The following PRKG1 variants were observed in gnomAD, a reference collection of about 807,000 sequenced individuals.
PRKG1 encodes cGMP-dependent protein kinase 1.
In PRKG1, 35 loss-of-function variants were observed where a neutral mutation model predicts 88.1. The observed-to-expected ratio is 0.40, with a 90% confidence interval of 0.30 to 0.53. PRKG1 has a LOEUF of 0.53. PRKG1 is among the 20% of genes least tolerant of loss of function. PRKG1 has a pLI of 0.59. For synonymous variants in PRKG1, 303 were observed against 292.5 expected, an observed-to-expected ratio of 1.04 and a Z score of -0.37; for missense variants, 540 against 839.8, an observed-to-expected ratio of 0.64 and a Z score of 4.41.
intron 3 of PRKG1, among the ~76,000 whole-genome samples, chr10:51,799,495 C>G (rs1839108984): frequency 6.6e-6 from 1 of 151,592 alleles, no homozygotes; most frequent in African/African-American, 2.4e-5. Context: ...GTAGGATAAC[C>G]TCAAAAATAT....
intron 2 of PRKG1, among the ~76,000 whole-genome samples, chr10:51,403,863 GAA>G (rs1379640170): frequency 6.6e-6 from 1 of 152,096 alleles, no homozygotes; most frequent in African/African-American, 2.4e-5. Flanking sequence ...AATTATAAAA[GAA>G]AAAATAAATC....
intron 2 of PRKG1, among the ~76,000 whole-genome samples, chr10:51,420,173 G>T (rs1029319879): frequency 1.3e-5 from 2 of 152,024 alleles, no homozygotes. Context: ...AAGTTGAAGC[G>T]GGAGCAGGCA....
intron 3 of PRKG1, among the ~76,000 whole-genome samples, chr10:51,618,503 C>G (rs960410251): frequency 2.6e-5 from 4 of 152,142 alleles, no homozygotes; most frequent in African/African-American, 9.7e-5. Flanking sequence ...AAATGTTTCA[C>G]TTAATATATA....
At chr10:51,425,307 T>C (rs1041689747) in intron 2 of PRKG1, among the ~76,000 whole-genome samples, 1 of 152,212 alleles carries the variant, frequency 6.6e-6, no homozygotes, top group African/African-American at 2.4e-5. Flanking sequence ...ATTGTTCCAG[T>C]TGTGAAGAAA....
chr10:51,711,549 G>C (rs1238441729), intron 3 of PRKG1, among the ~76,000 whole-genome samples: 2 of 152,198 alleles, frequency 1.3e-5, no homozygotes, highest in African/African-American at 4.8e-5. Context: ...AGGTAGAGGA[G>C]AGTTATATTC....
chr10:51,580,597 T>C (rs10998325), intron 3 of PRKG1, among the ~76,000 whole-genome samples: 11,229 of 152,230 alleles, frequency 0.074, 1,390 homozygotes, highest in African/African-American at 0.25. Flanking sequence ...TAAGCTCTTG[T>C]CCAACACTTA....
chr10:51,934,278 C>T (rs1056847517), intron 5 of PRKG1, among the ~76,000 whole-genome samples: 21 of 150,454 alleles, frequency 1.4e-4, no homozygotes, highest in African/African-American at 4.1e-4. Flanking sequence ...ACCGCCCACA[C>T]ACACGCACAG....
At chr10:51,128,046 A>G (rs936803254) in intron 1 of PRKG1, among the ~76,000 whole-genome samples, 2 of 152,196 alleles carry the variant, frequency 1.3e-5, no homozygotes, top group Non-Finnish European at 2.9e-5. Flanking sequence ...TGATAGGTGC[A>G]GCAAACCACC....
intron 2 of PRKG1, among the ~76,000 whole-genome samples, chr10:51,307,652 G>A (rs889291962): frequency 2.0e-5 from 3 of 152,104 alleles, no homozygotes; most frequent in Non-Finnish European, 4.4e-5. Flanking sequence ...GAGGCAATAA[G>A]CATTAGACCA....
chr10:51,276,051 G>T (rs539443426), intron 2 of PRKG1, among the ~76,000 whole-genome samples: 6 of 151,908 alleles, frequency 3.9e-5, no homozygotes, highest in African/African-American at 1.5e-4. Context: ...TGCCATGTTG[G>T]TGTGCTGCAC....
At chr10:52,275,809 G>A (rs1352710813) in intron 12 of PRKG1, among the ~76,000 whole-genome samples, 1 of 152,124 alleles carries the variant, frequency 6.6e-6, no homozygotes, top group Non-Finnish European at 1.5e-5. Flanking sequence ...CCACACATGA[G>A]CATGGGATGT....
At chr10:52,151,873 T>C (rs190331247) in intron 8 of PRKG1, among the ~76,000 whole-genome samples, 3 of 152,342 alleles carry the variant, frequency 2.0e-5, no homozygotes, top group Non-Finnish European at 4.4e-5. Flanking sequence ...TAAAATCCTT[T>C]CTTCCACTTT....
chr10:51,453,090 T>C (rs563070136), intron 2 of PRKG1, among the ~76,000 whole-genome samples: 21 of 152,100 alleles, frequency 1.4e-4, no homozygotes, highest in Non-Finnish European at 2.5e-4. Context: ...AAGGTGTTCA[T>C]GGTAGCCTTG....
rs79160147 is a variant in PRKG1, at chr10:51,989,286, G to T, written c.763-65198G>T. Reference sequence around the variant, plus strand: ...GTCTTAAATCCATTTTAAAGAGTTTGGTCTTTATATTGAGATTAGTAGGGA... The same window carrying T: ...GTCTTAAATCCATTTTAAAGAGTTTTGTCTTTATATTGAGATTAGTAGGGA... On this transcript the variant is annotated intron_variant, in intron 5 of 17. Coordinates refer to ENST00000373980, the MANE Select transcript of PRKG1 (RefSeq NM_006258.4). Among the ~76,000 whole-genome samples the T allele has an allele frequency of 1.4e-4, 22 of 152,164 alleles. No individual in the cohort carries two copies. The East Asian group carries it at 4.2e-3, about 29-fold the overall frequency.
chr10:52,024,699 T>G (rs1191908504), intron 5 of PRKG1, among the ~76,000 whole-genome samples: 1 of 152,216 alleles, frequency 6.6e-6, no homozygotes, highest in African/African-American at 2.4e-5. Flanking sequence ...ATGGTGTATA[T>G]GTACCACATT....
chr10:52,221,272 A>C (rs1353357108), intron 9 of PRKG1, among the ~76,000 whole-genome samples: 1 of 152,162 alleles, frequency 6.6e-6, no homozygotes, highest in African/African-American at 2.4e-5. Context: ...GCCATAACAT[A>C]ATAAATGTTT....
chr10:51,991,194 C>A (rs1485097806), intron 5 of PRKG1, among the ~76,000 whole-genome samples: 1 of 152,050 alleles, frequency 6.6e-6, no homozygotes, highest in Non-Finnish European at 1.5e-5. Context: ...TATCCTGCAA[C>A]TTTACTGAGT....
chr10:52,287,422 T>A (rs1360317972), intron 14 of PRKG1, among the ~76,000 whole-genome samples: 1 of 152,000 alleles, frequency 6.6e-6, no homozygotes, highest in Non-Finnish European at 1.5e-5. Context: ...TACTACTCCT[T>A]ACTTTAAATT....
chr10:52,209,591 A>T (rs1839908735), intron 9 of PRKG1, among the ~76,000 whole-genome samples: 1 of 152,210 alleles, frequency 6.6e-6, no homozygotes, highest in Admixed American at 6.5e-5. Context: ...TTCACAAAAA[A>T]TATTATGCTC....
Sources: allele counts gnomAD v4.1 joint callset (sites outside exome capture counted in the v4.1 genomes callset), GRCh38; gene constraint gnomAD v4.1.1; transcripts MANE v1.5; gene names NCBI Gene and HGNC (gene_info 2026-07-23, HGNC 2026-07-21).